Variants in SGCZ observed in about 807,000 individuals in gnomAD.
SGCZ encodes the protein sarcoglycan zeta, also known as zeta-sarcoglycan.
Under a neutral mutation model 41.3 loss-of-function variants are expected in SGCZ, and 40 were observed. The observed-to-expected ratio is 0.97, with a 90% CI of 0.75 to 1.26. SGCZ has a LOEUF of 1.26. Among genes scored for constraint, SGCZ ranks in the 50% most tolerant of loss-of-function variants. The pLI is 0.00. For synonymous variants in SGCZ, 206 were observed against 137.5 expected (o/e 1.50, Z -3.49); for missense variants, 552 against 369.8 (o/e 1.49, Z -4.04).
At chr8:15,018,190 G>A (rs759238585) in intron 1 of SGCZ, among the ~76,000 whole-genome samples, 66 of 152,156 alleles carry the variant, frequency 4.3e-4, no homozygotes, top group Admixed American at 2.3e-3. Context: ...ATATTTTATC[G>A]TGCATACACA....
At chr8:14,679,175 A>G (rs1258689223) in intron 1 of SGCZ, among the ~76,000 whole-genome samples, 2 of 152,166 alleles carry the variant, frequency 1.3e-5, no homozygotes, top group Non-Finnish European at 2.9e-5. Context: ...AATTACTTAC[A>G]ATACATAATA....
At chr8:15,048,504 A>G (rs1585510025) in intron 1 of SGCZ, among the ~76,000 whole-genome samples, 1 of 152,208 alleles carries the variant, frequency 6.6e-6, no homozygotes, top group East Asian at 1.9e-4. Context: ...AACACAAAGA[A>G]ATGATACATG....
intron 1 of SGCZ, among the ~76,000 whole-genome samples, chr8:15,101,857 G>A (rs941564751): frequency 3.9e-5 from 6 of 152,236 alleles, no homozygotes; most frequent in South Asian, 2.1e-4. Flanking sequence ...CCGGGGAGGC[G>A]GAGGTTGCAG....
intron 4 of SGCZ, among the ~76,000 whole-genome samples, chr8:14,196,279 T>A (rs1161098285): frequency 7.1e-6 from 1 of 140,080 alleles, no homozygotes; most frequent in African/African-American, 2.6e-5. Flanking sequence ...TTTTTTTTTT[T>A]AAAGACGGAG....
At chr8:14,260,186 C>T (rs1428650072) in intron 3 of SGCZ, among the ~76,000 whole-genome samples, 1 of 152,016 alleles carries the variant, frequency 6.6e-6, no homozygotes, top group East Asian at 1.9e-4. Context: ...AAAATTTTCG[C>T]AACCTACTCA....
chr8:14,784,913 A>AAAAAAATATATATATATATAT, intron 1 of SGCZ, among the ~76,000 whole-genome samples: 1 of 88,020 alleles, frequency 1.1e-5, no homozygotes, highest in African/African-American at 4.7e-5. Flanking sequence ...AAAAAAAAAA[A>AAAAAAATATATATATATATAT]ATATATATAT....
intron 1 of SGCZ, among the ~76,000 whole-genome samples, chr8:15,096,499 C>A (rs942126029): frequency 6.6e-6 from 1 of 152,082 alleles, no homozygotes; most frequent in African/African-American, 2.4e-5. Flanking sequence ...ACAAATATGG[C>A]AGGACTGTGG....
Position 14,090,743 on chromosome 8 carries a change from A to C in SGCZ, c.745-106T>G, listed in dbSNP as rs556587698. ...TAATAAGGAAGTCGACACAACAAACAATTCCATGGTTTAGCTGCCATGCTT... is the reference window on the plus strand; with the variant it reads ...TAATAAGGAAGTCGACACAACAAACCATTCCATGGTTTAGCTGCCATGCTT... On this transcript the variant is annotated intron_variant, in intron 7 of 7. Transcript: ENST00000382080. The C allele has an allele frequency of 1.1e-3, 1,036 of 971,490 alleles. 1 individual carries two copies. The highest frequency in any genetic ancestry group is 1.4e-3 in the Non-Finnish European group (949 of 670,828). The allele number at this position is 971,490 out of a possible 1,614,324, so 60.2% of individuals were successfully genotyped here.
intron 3 of SGCZ, among the ~76,000 whole-genome samples, chr8:14,245,441 C>T (rs902782685): frequency 3.3e-5 from 5 of 152,076 alleles, no homozygotes; most frequent in African/African-American, 1.2e-4. Flanking sequence ...GACAAAAATT[C>T]ATTCAAGATG....
intron 3 of SGCZ, among the ~76,000 whole-genome samples, chr8:14,261,902 A>T (rs532096704): frequency 6.6e-6 from 1 of 152,182 alleles, no homozygotes; most frequent in African/African-American, 2.4e-5. Context: ...GTAGAGGAAA[A>T]GTTTACTGAA....
intron 2 of SGCZ, among the ~76,000 whole-genome samples, chr8:14,516,999 G>T (rs998478717): frequency 6.6e-6 from 1 of 152,024 alleles, no homozygotes; most frequent in Admixed American, 6.6e-5. Context: ...GTGGAGCCAG[G>T]AACCAGGAAG....
intron 2 of SGCZ, among the ~76,000 whole-genome samples, chr8:14,445,264 A>G (rs1028918256): frequency 2.0e-5 from 3 of 152,220 alleles, no homozygotes; most frequent in Non-Finnish European, 4.4e-5. Context: ...GGTAACTTCT[A>G]TTCCTCTTTG....
At chr8:14,409,902 G>C (rs1301818097) in intron 2 of SGCZ, among the ~76,000 whole-genome samples, 3 of 152,050 alleles carry the variant, frequency 2.0e-5, no homozygotes, top group Non-Finnish European at 4.4e-5. Context: ...CAATATATGG[G>C]AGGTAAAAAT....
chr8:14,380,969 C>T (rs1011605027), intron 2 of SGCZ, among the ~76,000 whole-genome samples: 2 of 152,168 alleles, frequency 1.3e-5, no homozygotes, highest in African/African-American at 4.8e-5. Context: ...ACACACTATG[C>T]GTATTCCTAA....
intron 1 of SGCZ, among the ~76,000 whole-genome samples, chr8:14,671,595 C>A (rs565152319): frequency 1.3e-5 from 2 of 152,044 alleles, no homozygotes; most frequent in South Asian, 4.2e-4. Context: ...GAGAAAAGGG[C>A]AAGAATTAGA....
intron 1 of SGCZ, among the ~76,000 whole-genome samples, chr8:14,636,429 G>C (rs1469572584): frequency 6.6e-6 from 1 of 151,962 alleles, no homozygotes; most frequent in East Asian, 1.9e-4. Flanking sequence ...AGATTTACAT[G>C]AACTGACTAG....
At chr8:14,362,061 A>C (rs1460070474) in intron 2 of SGCZ, among the ~76,000 whole-genome samples, 2 of 152,106 alleles carry the variant, frequency 1.3e-5, no homozygotes, top group Non-Finnish European at 2.9e-5. Flanking sequence ...TAGAAGCTTC[A>C]TCTCAGAGGG....
chr8:14,230,007 T>A (rs1806505149), intron 4 of SGCZ, among the ~76,000 whole-genome samples: 1 of 152,124 alleles, frequency 6.6e-6, no homozygotes, highest in Admixed American at 6.6e-5. Context: ...AGCTAGGATG[T>A]TGATTTAGTT....
At chr8:14,560,821 C>T (rs1804185573) in intron 1 of SGCZ, among the ~76,000 whole-genome samples, 1 of 150,904 alleles carries the variant, frequency 6.6e-6, no homozygotes, top group South Asian at 2.1e-4. Flanking sequence ...TTTTGACAAG[C>T]AAATGAGATA....
Sources: gnomAD v4.1 joint callset for allele counts (sites outside exome capture counted in the v4.1 genomes callset) on GRCh38, gnomAD v4.1.1 for gene constraint, MANE v1.5 for transcripts, NCBI Gene and HGNC (gene_info 2026-07-23, HGNC 2026-07-21) for gene names.